Variants in LRRC4C observed in about 807,000 individuals in gnomAD.
The protein encoded by LRRC4C is leucine-rich repeat-containing protein 4C.
In LRRC4C, 5 loss-of-function variants were observed where a neutral mutation model predicts 33.6. The observed-to-expected ratio is 0.15, with a 90% confidence interval of 0.08 to 0.31. The LOEUF is 0.31. Ranked by LOEUF, LRRC4C falls within the 10% of genes least tolerant of loss-of-function variation. LRRC4C has a pLI of 1.00. For synonymous variants in LRRC4C, 329 were observed against 302.0 expected (o/e 1.09, Z -0.93); for missense variants, 560 against 796.7 (o/e 0.70, Z 3.58).
At chr11:40,156,829 G>T (rs1858735805) in intron 5 of LRRC4C, among the ~76,000 whole-genome samples, 1 of 152,034 alleles carries the variant, frequency 6.6e-6, no homozygotes, top group African/African-American at 2.4e-5. Context: ...TTGTGAAAAT[G>T]AGTATACTGC....
At chr11:41,215,681 C>T (rs1442076044) in intron 1 of LRRC4C, among the ~76,000 whole-genome samples, 2 of 151,998 alleles carry the variant, frequency 1.3e-5, no homozygotes, top group African/African-American at 4.8e-5. Context: ...AATATTTTTA[C>T]ATTTGATCCA....
intron 2 of LRRC4C, among the ~76,000 whole-genome samples, chr11:40,683,410 G>A (rs1051310016): frequency 6.6e-6 from 1 of 152,092 alleles, no homozygotes; most frequent in Non-Finnish European, 1.5e-5. Context: ...ATAATCTTAA[G>A]AACAATTCCT....
At chr11:41,151,456 T>C (rs942486250) in intron 1 of LRRC4C, among the ~76,000 whole-genome samples, 1 of 152,196 alleles carries the variant, frequency 6.6e-6, no homozygotes, top group Non-Finnish European at 1.5e-5. Context: ...AATAGAATAC[T>C]TAGTGGCTAC....
chr11:40,439,295 A>G (rs1951284922), intron 3 of LRRC4C, among the ~76,000 whole-genome samples: 2 of 151,842 alleles, frequency 1.3e-5, no homozygotes, highest in East Asian at 3.9e-4. Flanking sequence ...AACTAGAAAT[A>G]ACAAAGTAGT....
At chr11:40,787,163 C>G (rs186400611) in intron 2 of LRRC4C, among the ~76,000 whole-genome samples, 1 of 152,082 alleles carries the variant, frequency 6.6e-6, no homozygotes, top group Non-Finnish European at 1.5e-5. Flanking sequence ...GAAGCAGACC[C>G]TCTACTTCTC....
chr11:41,281,994 A>G (rs1949691519), intron 1 of LRRC4C, among the ~76,000 whole-genome samples: 1 of 152,216 alleles, frequency 6.6e-6, no homozygotes, highest in African/African-American at 2.4e-5. Flanking sequence ...AAGTCTTCTT[A>G]GAGGCCTTGG....
intron 1 of LRRC4C, among the ~76,000 whole-genome samples, chr11:41,241,906 T>C (rs915644895): frequency 2.0e-5 from 3 of 152,218 alleles, no homozygotes; most frequent in African/African-American, 4.8e-5. Context: ...TCCATATTAA[T>C]ATTCTTTGCA....
chr11:41,214,782 TA>T (rs1278827626), intron 1 of LRRC4C, among the ~76,000 whole-genome samples: 1 of 139,384 alleles, frequency 7.2e-6, no homozygotes, highest in Non-Finnish European at 1.5e-5. Context: ...TATACACACA[TA>T]TATATATGTG....
chr11:40,403,225 G>A (rs762625555), intron 3 of LRRC4C, among the ~76,000 whole-genome samples: 5 of 151,998 alleles, frequency 3.3e-5, no homozygotes, highest in Non-Finnish European at 5.9e-5. Context: ...CCTCTACTCT[G>A]CACCACAAGA....
At chr11:40,149,861 G>A (rs1858043727) in intron 5 of LRRC4C, among the ~76,000 whole-genome samples, 1 of 152,084 alleles carries the variant, frequency 6.6e-6, no homozygotes, top group African/African-American at 2.4e-5. Flanking sequence ...GACATAACAG[G>A]GGCAGGCAAA....
rs533302610 is a variant in LRRC4C at position 41,253,464 on chromosome 11, AG to A, written c.-496+205966del. Among the ~76,000 whole-genome samples, 20 of 152,220 alleles carry A rather than the reference AG, an allele frequency of 1.3e-4. No homozygotes were observed. The South Asian group carries it at 3.7e-3, about 28-fold the overall frequency. ...CATATCATGAGTCTGACAATATTAC[AG>A]GGTTATCATACTTTTACCCAGGAGC... On this transcript the variant is annotated intron_variant, in intron 1 of 6. Coordinates refer to ENST00000528697, the MANE Select transcript of LRRC4C (RefSeq NM_001258419.2).
intron 3 of LRRC4C, among the ~76,000 whole-genome samples, chr11:40,344,534 A>G (rs1292025617): frequency 1.3e-5 from 2 of 152,148 alleles, no homozygotes; most frequent in East Asian, 3.9e-4. Flanking sequence ...ATGATAACCC[A>G]CAGCCAACAT....
At chr11:40,145,224 T>C (rs969438665) in intron 5 of LRRC4C, among the ~76,000 whole-genome samples, 1 of 152,214 alleles carries the variant, frequency 6.6e-6, no homozygotes, top group African/African-American at 2.4e-5. Flanking sequence ...ATTTAAACTA[T>C]ATAATCAATT....
At chr11:40,914,840 C>T (rs546961145) in intron 2 of LRRC4C, among the ~76,000 whole-genome samples, 26 of 152,334 alleles carry the variant, frequency 1.7e-4, no homozygotes, top group African/African-American at 5.1e-4. Context: ...TGATAGGCAA[C>T]TTCAGCAAAG....
chr11:40,458,239 T>C (rs962686637), intron 3 of LRRC4C, among the ~76,000 whole-genome samples: 3 of 152,138 alleles, frequency 2.0e-5, no homozygotes, highest in Non-Finnish European at 4.4e-5. Context: ...TCTGTGTGCG[T>C]GCATGCACAC....
chr11:41,437,433 A>G (rs568746267), intron 1 of LRRC4C, among the ~76,000 whole-genome samples: 1,925 of 151,758 alleles, frequency 0.013, 11 homozygotes, highest in South Asian at 0.026. Context: ...GCGCACACAC[A>G]CACACACACA....
chr11:41,141,606 T>A (rs185241548), intron 1 of LRRC4C, among the ~76,000 whole-genome samples: 1 of 152,184 alleles, frequency 6.6e-6, no homozygotes, highest in African/African-American at 2.4e-5. Flanking sequence ...TCTTCCATGC[T>A]CTTCTTATGA....
rs534141813 is a variant in LRRC4C, at chr11:41,045,148, T to G, written c.-495-111425A>C. Among the ~76,000 whole-genome samples, 5 of 152,276 alleles carry G rather than the reference T, an allele frequency of 3.3e-5. No homozygotes were observed. In the East Asian group the frequency reaches 9.6e-4, roughly 29 times the overall value. ...TTGATGTCATTTAATCTCATTCATT[T>G]TATGATAAGGCAAAGAATATTTCTC... is the stretch of plus-strand genomic sequence containing the variant. On this transcript the variant is annotated intron_variant, in intron 1 of 6. Transcript: ENST00000528697.
At chr11:41,208,044 G>A (rs948704658) in intron 1 of LRRC4C, among the ~76,000 whole-genome samples, 2 of 152,056 alleles carry the variant, frequency 1.3e-5, no homozygotes, top group African/African-American at 4.8e-5. Context: ...GAGGAGAGCT[G>A]GAGAGAAAGT....
Sources: gnomAD v4.1 joint callset for allele counts (sites outside exome capture counted in the v4.1 genomes callset) on GRCh38, gnomAD v4.1.1 for gene constraint, MANE v1.5 for transcripts, NCBI Gene and HGNC (gene_info 2026-07-23, HGNC 2026-07-21) for gene names.